TENM4: variants seen among roughly 807,000 people sequenced by gnomAD.
The protein encoded by TENM4 is teneurin-4.
TENM4 carries 82 observed loss-of-function variants against 243.3 expected under a neutral mutation model. The observed-to-expected ratio is 0.34, with a 90% CI of 0.28 to 0.40. The LOEUF (loss-of-function observed/expected upper bound fraction) is 0.40, where lower values mean the gene tolerates loss of function less well. TENM4 is among the 10% of genes least tolerant of loss of function. The pLI, the probability that TENM4 is intolerant of heterozygous loss-of-function variation, is 1.00. For missense variants in TENM4, 3,138 were observed against 3,673.3 expected (o/e 0.85, Z 3.77); for synonymous variants, 1,412 against 1,456.3 (o/e 0.97, Z 0.69).
chr11:79,330,575 A>T (rs1434829494), intron 1 of TENM4, among the ~76,000 whole-genome samples: 1 of 152,218 alleles, frequency 6.6e-6, no homozygotes, highest in Non-Finnish European at 1.5e-5. Context: ...CCTCATCTGT[A>T]AAACGGAATG....
intron 26 of TENM4, among the ~76,000 whole-genome samples, chr11:78,709,328 C>G (rs1489077736): frequency 6.6e-6 from 1 of 152,084 alleles, no homozygotes; most frequent in East Asian, 1.9e-4. Flanking sequence ...ACTACGGAAT[C>G]TGAATAGAAT....
intron 10 of TENM4, 148 bp from the exon 11 acceptor site, chr11:78,856,326 C>T: frequency 1.4e-6 from 1 of 690,342 alleles, no homozygotes; most frequent in Non-Finnish European, 2.4e-6. Flanking sequence ...CCACCCTGGC[C>T]CTCCCCACAT....
At chr11:79,029,952 C>T (rs1005260218) in intron 6 of TENM4, among the ~76,000 whole-genome samples, 3 of 152,160 alleles carry the variant, frequency 2.0e-5, no homozygotes, top group East Asian at 1.9e-4. Flanking sequence ...TGTTAAACAG[C>T]TGCATTGCTC....
Position 79,001,030 on chromosome 11 carries a change from C to CA in TENM4, c.493+63707dup, listed in dbSNP as rs1858309480. Among the ~76,000 whole-genome samples the CA allele has an allele frequency of 3.3e-5, 5 of 151,892 alleles. No homozygotes were observed. In the South Asian group the frequency reaches 1.0e-3, roughly 32 times the overall value. On this transcript the variant is annotated intron_variant, in intron 6 of 33. Coordinates refer to ENST00000278550, the MANE Select transcript of TENM4 (RefSeq NM_001098816.3). Reference sequence around the variant, plus strand: ...TGGGTGACAAATTGAGACTCCATCTCAAAAAAAGGAAAGTAGCAAATGTAA... The same window carrying CA: ...TGGGTGACAAATTGAGACTCCATCTCAAAAAAAAGGAAAGTAGCAAATGTAA...
chr11:79,312,942 G>A (rs1367498113), intron 1 of TENM4, among the ~76,000 whole-genome samples: 1 of 152,222 alleles, frequency 6.6e-6, no homozygotes, highest in Non-Finnish European at 1.5e-5. Context: ...CGGGAAGGCT[G>A]TGTGCTTTGT....
chr11:78,707,709 G>A (rs576973626), intron 27 of TENM4, among the ~76,000 whole-genome samples: 1 of 152,360 alleles, frequency 6.6e-6, no homozygotes, highest in Admixed American at 6.5e-5. Flanking sequence ...TTGTGTGAAA[G>A]CAGGCACTCT....
At chr11:79,299,062 CCACA>C (rs61589223) in intron 1 of TENM4, among the ~76,000 whole-genome samples, 79,432 of 150,062 alleles carry the variant, frequency 0.53, 21,795 homozygotes, top group East Asian at 0.76. Context: ...GGTGCTGTAT[CCACA>C]CACACACACA....
At chr11:79,322,443 C>T (rs1368607742) in intron 1 of TENM4, among the ~76,000 whole-genome samples, 1 of 152,206 alleles carries the variant, frequency 6.6e-6, no homozygotes, top group Non-Finnish European at 1.5e-5. Flanking sequence ...CCCGTTGAGG[C>T]TGTGGTCTCA....
At chr11:78,673,225 G>T (rs773533780) in intron 30 of TENM4, among the ~76,000 whole-genome samples, 1 of 152,138 alleles carries the variant, frequency 6.6e-6, no homozygotes, top group Non-Finnish European at 1.5e-5. Flanking sequence ...TTTTAATAAA[G>T]AAATATACTT....
intron 3 of TENM4, among the ~76,000 whole-genome samples, chr11:79,189,215 T>TA (rs1333799025): frequency 2.6e-5 from 4 of 152,168 alleles, no homozygotes; most frequent in African/African-American, 4.8e-5. Context: ...CCCACATTCA[T>TA]AAAAAAATCT....
chr11:79,151,659 A>G (rs1006767934), intron 3 of TENM4, among the ~76,000 whole-genome samples: 11 of 152,044 alleles, frequency 7.2e-5, no homozygotes. Flanking sequence ...AATCATATTT[A>G]CATATCATCC....
At chr11:79,056,797 C>G (rs1394402868) in intron 6 of TENM4, among the ~76,000 whole-genome samples, 1 of 152,056 alleles carries the variant, frequency 6.6e-6, no homozygotes, top group East Asian at 1.9e-4. Context: ...GGACTAAGAA[C>G]AAGAAAGCAC....
chr11:79,035,957 A>G (rs540588783), intron 6 of TENM4, among the ~76,000 whole-genome samples: 110 of 152,350 alleles, frequency 7.2e-4, no homozygotes, highest in African/African-American at 2.6e-3. Context: ...TTAAAAACAT[A>G]AAAGATGATC....
At chr11:79,141,504 C>G (rs551661051) in intron 4 of TENM4, among the ~76,000 whole-genome samples, 1 of 152,132 alleles carries the variant, frequency 6.6e-6, no homozygotes, top group South Asian at 2.1e-4. Context: ...AATAAAAAGT[C>G]TCTCAGCAAA....
chr11:79,078,156 C>T (rs1487196773), intron 4 of TENM4, among the ~76,000 whole-genome samples: 1 of 152,188 alleles, frequency 6.6e-6, no homozygotes, highest in South Asian at 2.1e-4. Context: ...GCTGTTATCA[C>T]CCCGGGTTAC....
At chr11:79,207,922 A>T (rs1863881591) in intron 3 of TENM4, among the ~76,000 whole-genome samples, 1 of 151,128 alleles carries the variant, frequency 6.6e-6, no homozygotes, top group Admixed American at 6.6e-5. Flanking sequence ...CCTATGATAC[A>T]GTGTAAAGTC....
intron 6 of TENM4, among the ~76,000 whole-genome samples, chr11:79,015,083 GA>G (rs200977365): frequency 2.0e-5 from 3 of 152,094 alleles, no homozygotes; most frequent in Non-Finnish European, 4.4e-5. Context: ...AGGCCATTGG[GA>G]AAAAAAGTCT....
chr11:78,926,466 G>T (rs946174243), intron 6 of TENM4, among the ~76,000 whole-genome samples: 6 of 151,848 alleles, frequency 4.0e-5, no homozygotes, highest in Admixed American at 6.6e-5. Context: ...TAGAAACGGG[G>T]TTTCACCATA....
At position 78,712,576 on chromosome 11, in the gene TENM4, C is replaced by T. The variant is rs369250684; in HGVS notation, c.3960G>A (p.Val1320=). Reference sequence around the variant, plus strand: ...GGCACTGGTCACCTGTCCCCGCAACCACCTCAGAGTTCTTGACAAGGTCCT... The same window carrying T: ...GGCACTGGTCACCTGTCCCCGCAACTACCTCAGAGTTCTTGACAAGGTCCT... ...VVKDLVKNSE[V]VAGTGDQCLP... is the part of the protein sequence containing the mutation. Residue 1320 remains valine (V), a synonymous_variant, in exon 26 of 34, where the codon GTG becomes GTA. Coordinates refer to ENST00000278550, the MANE Select transcript of TENM4 (RefSeq NM_001098816.3). 1.2e-6 allele frequency: 2 copies of T among 1,613,876 alleles called. No homozygotes were observed. Among genetic ancestry groups the T allele is most frequent in the South Asian group, 1.1e-5 (1 of 91,070 alleles).
Sources: gnomAD v4.1 joint callset for allele counts (sites outside exome capture counted in the v4.1 genomes callset) on GRCh38, gnomAD v4.1.1 for gene constraint, MANE v1.5 for transcripts, NCBI Gene and HGNC (gene_info 2026-07-23, HGNC 2026-07-21) for gene names.